Variants in KCNQ3 observed in about 807,000 individuals in gnomAD.
KCNQ3 encodes the protein potassium voltage-gated channel subfamily Q member 3, also known as potassium voltage-gated channel subfamily KQT member 3.
Under a neutral mutation model 92.5 loss-of-function variants are expected in KCNQ3, and 30 were observed. That is an observed-to-expected ratio of 0.32 (90% CI 0.24 to 0.44). The LOEUF (loss-of-function observed/expected upper bound fraction) is 0.44. Ranked by LOEUF, KCNQ3 falls within the 20% of genes least tolerant of loss-of-function variation. The pLI, the probability that KCNQ3 is intolerant of heterozygous loss-of-function variation, is 1.00. For missense variants in KCNQ3, 913 were observed against 1,140.3 expected (o/e 0.80, Z 2.87); for synonymous variants, 450 against 468.8 (o/e 0.96, Z 0.52).
At chr8:132,457,255 G>A (rs1199820344) in intron 1 of KCNQ3, among the ~76,000 whole-genome samples, 1 of 152,238 alleles carries the variant, frequency 6.6e-6, no homozygotes, top group Non-Finnish European at 1.5e-5. Context: ...ATGAGGAACA[G>A]TCCTATCCAT....
At chr8:132,225,188 C>T (rs751697019) in intron 1 of KCNQ3, among the ~76,000 whole-genome samples, 60 of 152,264 alleles carry the variant, frequency 3.9e-4, no homozygotes, top group Non-Finnish European at 4.1e-4. Context: ...CAAATGAAAA[C>T]GGCTTTTAAA....
chr8:132,317,139 T>A (rs1334927318), intron 1 of KCNQ3, among the ~76,000 whole-genome samples: 5 of 152,220 alleles, frequency 3.3e-5, no homozygotes, highest in African/African-American at 1.2e-4. Flanking sequence ...TGAAATGGTT[T>A]ATGTGGAGCA....
chr8:132,345,923 GTGATGA>G (rs150778628), intron 1 of KCNQ3, among the ~76,000 whole-genome samples: 3,539 of 151,588 alleles, frequency 0.023, 59 homozygotes, highest in Non-Finnish European at 0.039. Context: ...TGGTAATAAC[GTGATGA>G]TGATGATGAT....
chr8:132,168,167 C>T (rs1016118337), intron 8 of KCNQ3, among the ~76,000 whole-genome samples: 16 of 152,186 alleles, frequency 1.1e-4, no homozygotes, highest in Admixed American at 7.2e-4. Context: ...TCCTTCTACT[C>T]CCCCTTCGAA....
chr8:132,340,535 C>T (rs1011420121), intron 1 of KCNQ3, among the ~76,000 whole-genome samples: 1 of 152,164 alleles, frequency 6.6e-6, no homozygotes, highest in African/African-American at 2.4e-5. Flanking sequence ...ACCGCATGTT[C>T]TCACTCATAA....
intron 1 of KCNQ3, among the ~76,000 whole-genome samples, chr8:132,310,549 T>C (rs1364650450): frequency 6.6e-6 from 1 of 152,174 alleles, no homozygotes; most frequent in African/African-American, 2.4e-5. Context: ...TCCACTTCTG[T>C]GACTGACTGA....
intron 9 of KCNQ3, among the ~76,000 whole-genome samples, chr8:132,157,451 T>C (rs1483374646): frequency 6.6e-6 from 1 of 152,150 alleles, no homozygotes; most frequent in East Asian, 1.9e-4. Flanking sequence ...CATTCACCCA[T>C]GTTCTTTGAT....
chr8:132,472,744 C>T (rs1822324157), intron 1 of KCNQ3, among the ~76,000 whole-genome samples: 1 of 152,146 alleles, frequency 6.6e-6, no homozygotes, highest in Non-Finnish European at 1.5e-5. Context: ...TAATTCAAAA[C>T]AGCTAAGAGA....
At chr8:132,362,108 T>A (rs976096440) in intron 1 of KCNQ3, among the ~76,000 whole-genome samples, 8 of 152,184 alleles carry the variant, frequency 5.3e-5, no homozygotes, top group African/African-American at 1.9e-4. Context: ...ATGTTGATAG[T>A]GCTTTATATT....
chr8:132,327,863 A>C (rs111994887), intron 1 of KCNQ3, among the ~76,000 whole-genome samples: 2,955 of 152,176 alleles, frequency 0.019, 95 homozygotes, highest in African/African-American at 0.065. Context: ...TGGGAAGGGA[A>C]GGGGCAGTCT....
At chr8:132,448,408 G>T (rs776292151) in intron 1 of KCNQ3, among the ~76,000 whole-genome samples, 40 of 150,366 alleles carry the variant, frequency 2.7e-4, no homozygotes, top group Admixed American at 4.7e-4. Context: ...AAAGTGTCAA[G>T]GGAGTTCAAA....
At position 132,480,988 on chromosome 8, in the gene KCNQ3, G is replaced by A. The variant is rs1263598596; in HGVS notation, c.-456C>T. 3 of 151,044 alleles carry A rather than the reference G, an allele frequency of 2.0e-5. No individual in the cohort carries two copies. The highest frequency in any genetic ancestry group is 4.4e-5 in the Non-Finnish European group (3 of 68,428). 9.4% of individuals were successfully genotyped at this position (151,044 alleles called of 1,614,324 possible). A position where few individuals can be genotyped will look rare whatever the true frequency, so the allele number is the denominator to read the frequency against. On this transcript the variant is annotated 5_prime_UTR_variant, in exon 1 of 15. Coordinates refer to ENST00000388996, the MANE Select transcript of KCNQ3 (RefSeq NM_004519.4). ...CCCGCCAGCCACACGCGCCGCCGCC[G>A]CCGCCTCCTCCCTCCTCCGCGCTCC...
At chr8:132,259,322 C>G (rs1815696203) in intron 1 of KCNQ3, among the ~76,000 whole-genome samples, 1 of 151,992 alleles carries the variant, frequency 6.6e-6, no homozygotes, top group Non-Finnish European at 1.5e-5. Context: ...TGAGATTTAT[C>G]CCGGTAATGC....
At chr8:132,151,946 A>C (rs887167698) in intron 9 of KCNQ3, among the ~76,000 whole-genome samples, 2 of 152,214 alleles carry the variant, frequency 1.3e-5, no homozygotes, top group Non-Finnish European at 2.9e-5. Flanking sequence ...GGATTTCTAA[A>C]ATTCTAATGT....
rs7836276 is a variant in KCNQ3, at chr8:132,298,979, G to A, written c.387-112798C>T. Among the ~76,000 whole-genome samples the A allele has an allele frequency of 3.3e-5, 5 of 152,042 alleles. No individual in the cohort carries two copies. In the East Asian group the frequency reaches 7.7e-4, roughly 23 times the overall value. ...TTTAATTTAATTAAAATTATTTTCA[G>A]GTGGAAATACATTCATATGACACAG... is the stretch of plus-strand genomic sequence containing the variant. On this transcript the variant is annotated intron_variant, in intron 1 of 14. Coordinates refer to ENST00000388996, the MANE Select transcript of KCNQ3 (RefSeq NM_004519.4).
chr8:132,179,333 A>T (rs1826674695), intron 4 of KCNQ3, among the ~76,000 whole-genome samples: 1 of 151,954 alleles, frequency 6.6e-6, no homozygotes, highest in African/African-American at 2.4e-5. Flanking sequence ...CTGGATTCTG[A>T]TCTACCTGGG....
rs1256982916 is a variant in KCNQ3 at position 132,129,027 on chromosome 8, C to T, written c.*235G>A. The T allele has an allele frequency of 2.8e-5, 16 of 577,376 alleles. No individual in the cohort carries two copies. Among genetic ancestry groups the T allele is most frequent in the South Asian group, 6.3e-5 (3 of 47,356 alleles). The allele number at this position is 577,376 out of a possible 1,614,324, so 35.8% of individuals were successfully genotyped here. A position where few individuals can be genotyped will look rare whatever the true frequency, so the allele number is the denominator to read the frequency against. ...AAATGTGTATCCTAGAAGAGATTAG[C>T]GGAACCATTTATATAGTGTAAAGTC... On this transcript the variant is annotated 3_prime_UTR_variant, in exon 15 of 15. Transcript: ENST00000388996. This position sits in a 1 kb window ranked among gnomAD's most constrained non-coding sequence, Gnocchi z 5.9.
intron 1 of KCNQ3, among the ~76,000 whole-genome samples, chr8:132,464,389 C>T (rs1236710980): frequency 6.6e-6 from 1 of 152,172 alleles, no homozygotes; most frequent in South Asian, 2.1e-4. Flanking sequence ...GGCATTGTGT[C>T]CATTCATGCA....
intron 1 of KCNQ3, among the ~76,000 whole-genome samples, chr8:132,305,842 A>G (rs1817402904): frequency 6.6e-6 from 1 of 151,598 alleles, no homozygotes; most frequent in South Asian, 2.1e-4. Context: ...TTTCTACACA[A>G]CTTCCCCTCA....
Sources: gnomAD v4.1 joint callset for allele counts (sites outside exome capture counted in the v4.1 genomes callset) on GRCh38, gnomAD v4.1.1 for gene constraint, Gnocchi (gnomAD v3.1) non-coding constraint, MANE v1.5 for transcripts, NCBI Gene and HGNC (gene_info 2026-07-23, HGNC 2026-07-21) for gene names.